Variants in PSD3 observed in about 807,000 individuals in gnomAD.
PSD3 encodes pleckstrin and Sec7 domain containing 3.
PSD3 carries 49 observed loss-of-function variants against 105.5 expected under a neutral mutation model. The ratio of observed to expected loss-of-function variants is 0.46; its 90% CI spans 0.37 to 0.59. PSD3 has a LOEUF of 0.59. Among genes scored for constraint, PSD3 ranks in the 20% least tolerant of loss-of-function variants. The pLI is 0.00. For missense variants in PSD3, 1,561 were observed against 1,263.8 expected (o/e 1.24, Z -3.57); for synonymous variants, 557 against 457.8 (o/e 1.22, Z -2.77).
intron 10 of PSD3, among the ~76,000 whole-genome samples, chr8:18,654,310 C>T (rs1050622888): frequency 6.6e-5 from 10 of 152,150 alleles, no homozygotes; most frequent in Admixed American, 2.0e-4. Context: ...GTTCCTCCAA[C>T]GTGCAGATAA....
At chr8:18,659,574 A>G (rs1428573115) in intron 9 of PSD3, among the ~76,000 whole-genome samples, 2 of 152,280 alleles carry the variant, frequency 1.3e-5, no homozygotes, top group African/African-American at 2.4e-5. Context: ...CAAACCTTAT[A>G]GCATCGTATA....
chr8:19,011,025 CA>C (rs1157995548), intron 1 of PSD3, among the ~76,000 whole-genome samples: 1 of 151,346 alleles, frequency 6.6e-6, no homozygotes, highest in Non-Finnish European at 1.5e-5. Context: ...CTTTGGTCAC[CA>C]GATTATTTTT....
intron 1 of PSD3, among the ~76,000 whole-genome samples, chr8:18,970,711 T>C (rs185240059): frequency 3.9e-5 from 6 of 152,030 alleles, no homozygotes; most frequent in Non-Finnish European, 8.8e-5. Flanking sequence ...TCCCAGCACT[T>C]TGGGAGGTGA....
At chr8:18,692,110 A>T (rs1801005062) in intron 9 of PSD3, among the ~76,000 whole-genome samples, 1 of 152,228 alleles carries the variant, frequency 6.6e-6, no homozygotes. Context: ...ATGTAAGAGT[A>T]ACTGTAAGCT....
chr8:18,753,771 A>G (rs953543738), intron 9 of PSD3, among the ~76,000 whole-genome samples: 2 of 151,974 alleles, frequency 1.3e-5, no homozygotes, highest in Admixed American at 6.6e-5. Flanking sequence ...TCTATTTCAC[A>G]CTCCCTGTCT....
At chr8:18,835,183 A>C (rs1289553270) in intron 4 of PSD3, among the ~76,000 whole-genome samples, 2 of 152,236 alleles carry the variant, frequency 1.3e-5, no homozygotes, top group African/African-American at 4.8e-5. Flanking sequence ...CCTAAGAACC[A>C]GCAATTATAT....
chr8:18,847,713 G>A (rs1461303014), intron 4 of PSD3, among the ~76,000 whole-genome samples: 1 of 152,158 alleles, frequency 6.6e-6, no homozygotes, highest in African/African-American at 2.4e-5. Context: ...GATATAAACA[G>A]AGCTGGGGCC....
upstream of PSD3, among the ~76,000 whole-genome samples, chr8:19,015,201 G>A (rs557045372): frequency 4.1e-4 from 62 of 152,218 alleles, no homozygotes; most frequent in South Asian, 0.012. Context: ...TTTTAAAAAT[G>A]GGAGCGCTTG....
chr8:18,894,883 T>A (rs975720922), intron 2 of PSD3, among the ~76,000 whole-genome samples: 3 of 152,176 alleles, frequency 2.0e-5, no homozygotes, highest in Admixed American at 2.0e-4. Flanking sequence ...ATCTCATGTT[T>A]TGAATGAAAG....
intron 9 of PSD3, among the ~76,000 whole-genome samples, chr8:18,729,543 TAAAC>T: frequency 6.6e-6 from 1 of 152,226 alleles, no homozygotes; most frequent in East Asian, 1.9e-4. Flanking sequence ...ATAAAACGAA[TAAAC>T]AAAAGTCAAA....
At chr8:18,624,092 T>G (rs999534787) in intron 11 of PSD3, among the ~76,000 whole-genome samples, 7 of 152,214 alleles carry the variant, frequency 4.6e-5, no homozygotes, top group African/African-American at 1.2e-4. Flanking sequence ...TAAACATGAC[T>G]TCTGTAACAC....
At chr8:19,031,095 C>T (rs1325562188) in intron 1 of PSD3, among the ~76,000 whole-genome samples, 1 of 152,218 alleles carries the variant, frequency 6.6e-6, no homozygotes, top group East Asian at 1.9e-4. Flanking sequence ...TATACCACTT[C>T]ATGCCTAGCA....
intron 4 of PSD3, among the ~76,000 whole-genome samples, chr8:18,855,864 G>C (rs1815970159): frequency 6.6e-6 from 1 of 152,148 alleles, no homozygotes; most frequent in Non-Finnish European, 1.5e-5. Context: ...TTCCTAAGTG[G>C]GATGATGAGA....
chr8:18,911,753 T>G (rs1359117932), intron 2 of PSD3, among the ~76,000 whole-genome samples: 1 of 152,104 alleles, frequency 6.6e-6, no homozygotes, highest in East Asian at 1.9e-4. Context: ...CATAGATATA[T>G]AAATGTACAC....
chr8:18,531,115 C>G lies in PSD3; in HGVS notation c.*4628G>C, dbSNP rs1273344400. The G allele has an allele frequency of 1.3e-5, 2 of 152,590 alleles. No homozygotes were observed. Among genetic ancestry groups the G allele is most frequent in the Non-Finnish European group, 2.9e-5 (2 of 68,040 alleles). 9.5% of individuals were successfully genotyped at this position (152,590 alleles called of 1,614,324 possible). On this transcript the variant is annotated 3_prime_UTR_variant, in exon 16 of 16. Coordinates refer to ENST00000327040, the MANE Select transcript of PSD3 (RefSeq NM_015310.4). ...AGCATTTTCTTTGATGACTGACATA[C>G]TGCCTGTAAGAATAGTCTCCAAAAG...
At chr8:18,567,286 A>C (rs1414707098) in intron 14 of PSD3, among the ~76,000 whole-genome samples, 1 of 151,712 alleles carries the variant, frequency 6.6e-6, no homozygotes, top group Non-Finnish European at 1.5e-5. Context: ...TTTTGCTTCC[A>C]GTTACTTGAT....
At chr8:18,853,921 T>C (rs562745887) in intron 4 of PSD3, among the ~76,000 whole-genome samples, 23 of 152,312 alleles carry the variant, frequency 1.5e-4, no homozygotes, top group Admixed American at 3.3e-4. Context: ...TCATTTGTCA[T>C]CCTTATTTAG....
At chr8:18,853,677 T>C (rs1264082826) in intron 4 of PSD3, among the ~76,000 whole-genome samples, 1 of 152,164 alleles carries the variant, frequency 6.6e-6, no homozygotes, top group Non-Finnish European at 1.5e-5. Flanking sequence ...AGCAGTGATA[T>C]ACCAAAATAA....
At chr8:18,562,855 C>T (rs967068916) in intron 14 of PSD3, among the ~76,000 whole-genome samples, 5 of 151,976 alleles carry the variant, frequency 3.3e-5, no homozygotes, top group Non-Finnish European at 7.4e-5. Context: ...TGCCACTGCA[C>T]TCCAGCCTGG....
Sources: gnomAD v4.1 joint callset for allele counts (sites outside exome capture counted in the v4.1 genomes callset) on GRCh38, gnomAD v4.1.1 for gene constraint, MANE v1.5 for transcripts, NCBI Gene and HGNC (gene_info 2026-07-23, HGNC 2026-07-21) for gene names.